The following EBF2 variants were observed in gnomAD, a reference collection of about 807,000 sequenced individuals.
EBF2 encodes transcription factor COE2.
A neutral mutation model predicts 72.8 loss-of-function variants in EBF2; 21 were observed. That is an observed-to-expected ratio of 0.29 (90% confidence interval 0.20 to 0.42). The LOEUF (loss-of-function observed/expected upper bound fraction) is 0.42, where lower values mean the gene tolerates loss of function less well. EBF2 is among the 10% of genes least tolerant of loss of function. The probability of loss-of-function intolerance (pLI) is 1.00; values close to 1 mark genes in which losing one functional copy is unlikely to be tolerated. For missense variants in EBF2, 637 were observed against 731.2 expected, an observed-to-expected ratio of 0.87 and a Z score of 1.49; for synonymous variants, 299 against 274.2, an observed-to-expected ratio of 1.09 and a Z score of -0.89.
chr8:25,994,100 T>C (rs1408645479), intron 6 of EBF2, among the ~76,000 whole-genome samples: 1 of 152,068 alleles, frequency 6.6e-6, no homozygotes, highest in East Asian at 1.9e-4. Flanking sequence ...AAAATGCAGA[T>C]ATCATAATAT....
In EBF2 at chr8:26,041,010, G is replaced by C. The variant is rs1460463960; in HGVS notation, c.289-8C>G. On this transcript the variant is annotated splice_region_variant and splice_polypyrimidine_tract_variant and intron_variant, in intron 2 of 15. Transcript: ENST00000520164. ...CTTCTCGTTGCCTTGTTCCTGAAAA[G>C]ACAGGCAGCGTTCGATTCCCTTGCC... 1 of 1,613,924 alleles carries C rather than the reference G, an allele frequency of 6.2e-7. No individual in the cohort carries two copies. Among genetic ancestry groups the C allele is most frequent in the Non-Finnish European group, 8.5e-7 (1 of 1,180,012 alleles).
At chr8:26,038,500 T>C (rs1805542972) in intron 5 of EBF2, among the ~76,000 whole-genome samples, 1 of 152,222 alleles carries the variant, frequency 6.6e-6, no homozygotes, top group Non-Finnish European at 1.5e-5. Context: ...TATAATTCAT[T>C]AGACAATGGA....
chr8:25,872,679 AAACAACAACAAC>A (rs113792737), intron 10 of EBF2, among the ~76,000 whole-genome samples: 8 of 151,258 alleles, frequency 5.3e-5, no homozygotes, highest in African/African-American at 7.3e-5. Context: ...GTAAGAAAGC[AAACAACAACAAC>A]AACAACAACA....
rs1802700788 is a variant in EBF2, at chr8:25,886,991, T to C, written c.883-110A>G. ...TGCTCCCCAGGGGCTTCTTTCTCTCTGCTCTACTCTAACTGGAGTACTCCT... is the reference window on the plus strand; with the variant it reads ...TGCTCCCCAGGGGCTTCTTTCTCTCCGCTCTACTCTAACTGGAGTACTCCT... On this transcript the variant is annotated intron_variant, in intron 9 of 15. Transcript: ENST00000520164. 4 of 1,212,368 alleles carry C rather than the reference T, an allele frequency of 3.3e-6. 1 individual carries two copies. The highest frequency in any genetic ancestry group is 5.6e-4 in the Middle Eastern group (2 of 3,562). The allele number at this position is 1,212,368 out of a possible 1,614,324, so 75.1% of individuals were successfully genotyped here. A position where few individuals can be genotyped will look rare whatever the true frequency, so the allele number is the denominator to read the frequency against.
At chr8:25,938,870 T>C (rs1803623738) in intron 6 of EBF2, among the ~76,000 whole-genome samples, 1 of 152,104 alleles carries the variant, frequency 6.6e-6, no homozygotes, top group Admixed American at 6.5e-5. Context: ...TGCACACCTC[T>C]CTCTCTAGGA....
At chr8:25,972,105 G>A (rs1330800018) in intron 6 of EBF2, among the ~76,000 whole-genome samples, 2 of 152,214 alleles carry the variant, frequency 1.3e-5, no homozygotes, top group East Asian at 1.9e-4. Flanking sequence ...GCTGTTCCCC[G>A]GAATGCAAAG....
chr8:25,944,812 C>T (rs1037025115), intron 6 of EBF2, among the ~76,000 whole-genome samples: 2 of 149,656 alleles, frequency 1.3e-5, no homozygotes, highest in African/African-American at 4.9e-5. Context: ...TTTATATACA[C>T]ACTTATATAG....
chr8:25,920,601 G>A (rs1803291285), intron 6 of EBF2, among the ~76,000 whole-genome samples: 1 of 152,232 alleles, frequency 6.6e-6, no homozygotes, highest in Non-Finnish European at 1.5e-5. Context: ...GAGTTAGTTA[G>A]CTTTTGAGTA....
intron 6 of EBF2, among the ~76,000 whole-genome samples, chr8:26,026,088 G>A (rs62499129): frequency 0.069 from 10,461 of 152,156 alleles, 466 homozygotes; most frequent in Admixed American, 0.1. Context: ...GAGGAGGGAG[G>A]ATCACTTAAG....
At chr8:25,940,803 C>A (rs2117156388) in intron 6 of EBF2, among the ~76,000 whole-genome samples, 1 of 152,110 alleles carries the variant, frequency 6.6e-6, no homozygotes, top group Non-Finnish European at 1.5e-5. Context: ...TGATTTCATT[C>A]ATTGCATTTT....
intron 6 of EBF2, among the ~76,000 whole-genome samples, chr8:26,010,129 T>C (rs1234195096): frequency 6.6e-6 from 1 of 152,222 alleles, no homozygotes; most frequent in Non-Finnish European, 1.5e-5. Flanking sequence ...GGAGTCCTCC[T>C]GTCTCCTATC....
intron 6 of EBF2, among the ~76,000 whole-genome samples, chr8:25,918,360 A>G (rs1381404645): frequency 6.6e-6 from 1 of 152,188 alleles, no homozygotes; most frequent in Non-Finnish European, 1.5e-5. Context: ...TTAAACTAAA[A>G]CTGACTTTTC....
Position 26,044,646 on chromosome 8 carries a change from C to G in EBF2, c.131+83G>C. 1 of 1,525,354 alleles carries G rather than the reference C, an allele frequency of 6.6e-7. No homozygotes were observed. Among genetic ancestry groups the G allele is most frequent in the Middle Eastern group, 2.3e-4 (1 of 4,304 alleles). The allele number at this position is 1,525,354 out of a possible 1,614,324, so 94.5% of individuals were successfully genotyped here. ...GGGGGGACAGGGAGAGAGAAAGGCA[C>G]GGGGTGCGCGGGGGGGGTGCACACG... On this transcript the variant is annotated intron_variant, in intron 1 of 15. Coordinates refer to ENST00000520164, the MANE Select transcript of EBF2 (RefSeq NM_022659.4). The surrounding 1 kb of genome is among the most constrained non-coding windows in gnomAD (Gnocchi z 4.1).
rs201492051 is a variant in EBF2, at chr8:25,897,221, T to TA, written c.634-7353_634-7352insT. Reference sequence around the variant, plus strand: ...AGAAGACGTGCTCTTTTCTTTTTTTTTAAAAAAAAATACATATTTTTAATT... The same window carrying TA: ...AGAAGACGTGCTCTTTTCTTTTTTTTATAAAAAAAAATACATATTTTTAATT... On this transcript the variant is annotated intron_variant, in intron 7 of 15. Transcript: ENST00000520164. 3.9e-3 allele frequency among the ~76,000 whole-genome samples: 567 copies of TA among 146,356 alleles called. 2 individuals are homozygous for TA. The highest frequency in any genetic ancestry group is 0.012 in the African/African-American group (433 of 36,488).
At chr8:25,903,791 G>C (rs754993071) in intron 7 of EBF2, among the ~76,000 whole-genome samples, 2 of 152,230 alleles carry the variant, frequency 1.3e-5, no homozygotes, top group African/African-American at 2.4e-5. Context: ...ATACTTAGGA[G>C]GAGGCAGCGA....
intron 6 of EBF2, among the ~76,000 whole-genome samples, chr8:26,015,760 G>T (rs904168046): frequency 5.9e-5 from 9 of 152,192 alleles, no homozygotes; most frequent in Admixed American, 3.9e-4. Flanking sequence ...TCAAGCCTTT[G>T]TCCAACCATC....
chr8:25,893,270 C>CTTTT (rs1563391340), intron 7 of EBF2, among the ~76,000 whole-genome samples: 1 of 122,738 alleles, frequency 8.1e-6, no homozygotes, highest in African/African-American at 2.9e-5. Context: ...TTAATTCTTC[C>CTTTT]ATTTTTTTTT....
At chr8:25,860,928 G>T in intron 13 of EBF2, 121 bp downstream of exon 13, 2 of 1,034,068 alleles carry the variant, frequency 1.9e-6, no homozygotes, top group Non-Finnish European at 1.5e-6. Flanking sequence ...ATCTATGATT[G>T]TATTGCCTAT....
intron 13 of EBF2, among the ~76,000 whole-genome samples, chr8:25,860,118 A>G (rs913063508): frequency 5.3e-5 from 8 of 152,226 alleles, no homozygotes; most frequent in African/African-American, 1.9e-4. Flanking sequence ...TAAGGACCTC[A>G]TTAGGAACAT....
Sources: gnomAD v4.1 joint callset for allele counts (sites outside exome capture counted in the v4.1 genomes callset) on GRCh38, gnomAD v4.1.1 for gene constraint, Gnocchi (gnomAD v3.1) non-coding constraint, MANE v1.5 for transcripts, NCBI Gene and HGNC (gene_info 2026-07-23, HGNC 2026-07-21) for gene names.